Variants in BCAS3 observed in about 807,000 individuals in gnomAD.
BCAS3 encodes BCAS4/BCAS3 fusion.
BCAS3 carries 53 observed loss-of-function variants against 116.1 expected under a neutral mutation model. That is an observed-to-expected ratio of 0.46 (90% CI 0.37 to 0.57). The LOEUF (loss-of-function observed/expected upper bound fraction) is 0.57, where lower values mean the gene tolerates loss of function less well. Among genes scored for constraint, BCAS3 ranks in the 20% least tolerant of loss-of-function variants. BCAS3 has a pLI of 0.00. For synonymous variants in BCAS3, 391 were observed against 408.2 expected (o/e 0.96, Z 0.51); for missense variants, 917 against 1,165.4 (o/e 0.79, Z 3.10).
At chr17:60,790,552 A>T (rs1005882862) in intron 6 of BCAS3, among the ~76,000 whole-genome samples, 1 of 152,118 alleles carries the variant, frequency 6.6e-6, no homozygotes, top group African/African-American at 2.4e-5. Flanking sequence ...TAACTGTGAA[A>T]TCTGATTTGT....
intron 7 of BCAS3, among the ~76,000 whole-genome samples, chr17:60,818,205 C>A (rs2049610632): frequency 6.6e-6 from 1 of 152,098 alleles, no homozygotes; most frequent in African/African-American, 2.4e-5. Context: ...GACTTAATTT[C>A]AAAATTGACT....
At chr17:61,057,279 C>G (rs1318717483) in intron 19 of BCAS3, among the ~76,000 whole-genome samples, 1 of 152,190 alleles carries the variant, frequency 6.6e-6, no homozygotes, top group African/African-American at 2.4e-5. Context: ...CCCTGTAGTT[C>G]AGCCTTTCTG....
In BCAS3 at chr17:60,751,497, C is replaced by T. The variant is rs1298214668; in HGVS notation, c.403+4218C>T. Among the ~76,000 whole-genome samples the T allele has an allele frequency of 2.0e-5, 3 of 151,730 alleles. No individual in the cohort carries two copies. The East Asian group carries it at 5.8e-4, about 29-fold the overall frequency. ...AATATACAAGTAAAAAAGAGACTTT[C>T]ACTTCCTTTAATATGTTTTTAATTT... On this transcript the variant is annotated intron_variant, in intron 6 of 23. Transcript: ENST00000407086.
chr17:61,089,805 T>G (rs1401991223), intron 22 of BCAS3, among the ~76,000 whole-genome samples: 1 of 152,042 alleles, frequency 6.6e-6, no homozygotes, highest in East Asian at 1.9e-4. Flanking sequence ...GTGCTGGGAT[T>G]ACAGGCATGA....
intron 5 of BCAS3, among the ~76,000 whole-genome samples, chr17:60,731,473 A>C (rs1231405146): frequency 6.6e-6 from 1 of 152,122 alleles, no homozygotes; most frequent in Admixed American, 6.5e-5. Flanking sequence ...TCACCCTCCC[A>C]AAGTGCTGGG....
At chr17:61,049,642 A>G (rs915991855) in intron 19 of BCAS3, among the ~76,000 whole-genome samples, 1 of 151,930 alleles carries the variant, frequency 6.6e-6, no homozygotes, top group Non-Finnish European at 1.5e-5. Flanking sequence ...AAAGAGAAAA[A>G]AAAATCTTAA....
chr17:60,814,025 A>G (rs929311007), intron 7 of BCAS3, among the ~76,000 whole-genome samples: 2 of 152,036 alleles, frequency 1.3e-5, no homozygotes, highest in South Asian at 2.1e-4. Context: ...TTTTTGTTCT[A>G]TATGAATTTT....
intron 22 of BCAS3, among the ~76,000 whole-genome samples, chr17:61,218,738 G>T (rs2144370220): frequency 6.6e-6 from 1 of 152,268 alleles, no homozygotes. Flanking sequence ...TTCTCAGTTT[G>T]CTATGAGGAC....
chr17:61,385,893 C>T (rs998865244), intron 23 of BCAS3, among the ~76,000 whole-genome samples: 4 of 152,148 alleles, frequency 2.6e-5, no homozygotes, highest in African/African-American at 9.7e-5. Flanking sequence ...CCTCCCTGGG[C>T]CATTTCTTGA....
chr17:60,969,602 G>A (rs2061843703), intron 14 of BCAS3, among the ~76,000 whole-genome samples: 1 of 152,070 alleles, frequency 6.6e-6, no homozygotes, highest in African/African-American at 2.4e-5. Flanking sequence ...GGTGAGGAGA[G>A]TAAGGGAGGA....
intron 22 of BCAS3, among the ~76,000 whole-genome samples, chr17:61,334,513 AAATT>A (rs1195612838): frequency 2.6e-5 from 4 of 152,056 alleles, no homozygotes; most frequent in Non-Finnish European, 5.9e-5. Context: ...TGAAAATACA[AAATT>A]AGCTGGGCGT....
At chr17:60,998,672 T>TG in intron 15 of BCAS3, among the ~76,000 whole-genome samples, 1 of 152,082 alleles carries the variant, frequency 6.6e-6, no homozygotes, top group Non-Finnish European at 1.5e-5. Context: ...ACCCTTTTAA[T>TG]GGGGTCATTT....
In BCAS3 at chr17:61,021,594, T is replaced by A. The variant is rs1192686220; in HGVS notation, c.1637+5693T>A. ...ATAATCTTTTAATCCTTATCATGTA[T>A]GAGTTTCTACCAGTTCTTTGGTCCC... On this transcript the variant is annotated intron_variant, in intron 16 of 23. Coordinates refer to ENST00000407086, the MANE Select transcript of BCAS3 (RefSeq NM_017679.5). The surrounding 1 kb of genome is among the most constrained non-coding windows in gnomAD (Gnocchi z 4.6). 6.6e-6 allele frequency among the ~76,000 whole-genome samples: 1 copy of A among 152,220 alleles called. No individual in the cohort carries two copies. Among genetic ancestry groups the A allele is most frequent in the African/African-American group, 2.4e-5 (1 of 41,458 alleles).
In BCAS3 at chr17:61,315,016, T is replaced by C. The variant is rs2054610432; in HGVS notation, c.2426-53311T>C. ...TGATGTTGGAACTCCTCTTCACCCATCCGAGGAACAGTGTGCCTGGAAAAT... is the reference window on the plus strand; with the variant it reads ...TGATGTTGGAACTCCTCTTCACCCACCCGAGGAACAGTGTGCCTGGAAAAT... On this transcript the variant is annotated intron_variant, in intron 22 of 23. Transcript: ENST00000407086. This position sits in a 1 kb window ranked among gnomAD's most constrained non-coding sequence, Gnocchi z 5.3. 6.6e-6 allele frequency among the ~76,000 whole-genome samples: 1 copy of C among 152,116 alleles called. No individual in the cohort carries two copies. Among genetic ancestry groups the C allele is most frequent in the African/African-American group, 2.4e-5 (1 of 41,426 alleles).
chr17:61,297,939 G>A (rs1479620775), intron 22 of BCAS3, among the ~76,000 whole-genome samples: 2 of 152,124 alleles, frequency 1.3e-5, no homozygotes, highest in Non-Finnish European at 2.9e-5. Flanking sequence ...TTAGTATTTT[G>A]TTGTAGCAAA....
In BCAS3 at chr17:61,038,916, C is replaced by T. The variant is rs370345206; in HGVS notation, c.1928+862C>T. On this transcript the variant is annotated intron_variant, in intron 18 of 23. Transcript: ENST00000407086. ...CCTCAGGTGATCCACTCGCCTTGGC[C>T]TCCCAAAGTGCTGGTTTTATAGGGA... Among the ~76,000 whole-genome samples, 16 of 152,198 alleles carry T rather than the reference C, an allele frequency of 1.1e-4. No homozygotes were observed. In the East Asian group the frequency reaches 2.9e-3, roughly 28 times the overall value.
intron 21 of BCAS3, among the ~76,000 whole-genome samples, chr17:61,080,526 T>G (rs2072488767): frequency 6.6e-6 from 1 of 151,796 alleles, no homozygotes; most frequent in Admixed American, 6.6e-5. Flanking sequence ...GGGTGGATCA[T>G]GAGGTCAGGA....
Position 61,104,548 on chromosome 17 carries a change from C to T in BCAS3, c.2425+19984C>T, listed in dbSNP as rs889053496. Among the ~76,000 whole-genome samples the T allele has an allele frequency of 3.3e-5, 5 of 152,130 alleles. No individual in the cohort carries two copies. Among genetic ancestry groups the T allele is most frequent in the African/African-American group, 1.2e-4 (5 of 41,422 alleles). On this transcript the variant is annotated intron_variant, in intron 22 of 23. Coordinates refer to ENST00000407086, the MANE Select transcript of BCAS3 (RefSeq NM_017679.5). This position sits in a 1 kb window ranked among gnomAD's most constrained non-coding sequence, Gnocchi z 4.1. ...TATGCCTTTCAGATCTGCACTTCATCTCATACTTCATCATTTATTGGATCA... is the reference window on the plus strand; with the variant it reads ...TATGCCTTTCAGATCTGCACTTCATTTCATACTTCATCATTTATTGGATCA...
intron 15 of BCAS3, among the ~76,000 whole-genome samples, chr17:61,001,148 A>G (rs2064209994): frequency 6.6e-6 from 1 of 152,060 alleles, no homozygotes; most frequent in Non-Finnish European, 1.5e-5. Flanking sequence ...TTGGCATCTG[A>G]ATTCTAGATT....
Sources: gnomAD v4.1 joint callset for allele counts (sites outside exome capture counted in the v4.1 genomes callset) on GRCh38, gnomAD v4.1.1 for gene constraint, Gnocchi (gnomAD v3.1) non-coding constraint, MANE v1.5 for transcripts, NCBI Gene and HGNC (gene_info 2026-07-23, HGNC 2026-07-21) for gene names.